Variants in SYNE2 observed in about 807,000 individuals in gnomAD.
SYNE2 encodes spectrin repeat containing nuclear envelope protein 2.
In SYNE2, 431 loss-of-function variants were observed where a neutral mutation model predicts 856.3. That is an observed-to-expected ratio of 0.50 (90% CI 0.47 to 0.55). The LOEUF (loss-of-function observed/expected upper bound fraction) is 0.55, where lower values mean the gene tolerates loss of function less well. SYNE2 is among the 20% of genes least tolerant of loss of function. The probability of loss-of-function intolerance (pLI) is 0.00; values close to 1 mark genes in which losing one functional copy is unlikely to be tolerated. For missense variants in SYNE2, 8,129 were observed against 8,023.2 expected (o/e 1.01, Z -0.50); for synonymous variants, 2,923 against 2,872.3 (o/e 1.02, Z -0.56).
chr14:64,162,023 C>A, intron 87 of SYNE2, 49 bp from the exon 88 acceptor site: 2 of 1,597,706 alleles, frequency 1.3e-6, no homozygotes, highest in Non-Finnish European at 1.7e-6. Flanking sequence ...ACTTTCGCTA[C>A]AAGAGAAAGG....
intron 77 of SYNE2, 41 bp from the exon 78 acceptor site, chr14:64,134,028 G>A: frequency 6.2e-7 from 1 of 1,611,258 alleles, no homozygotes; most frequent in Non-Finnish European, 8.5e-7. Context: ...GAACCAATCT[G>A]GTAAAGGGCT....
chr14:64,215,828 G>A, intron 107 of SYNE2: 1 of 668,542 alleles, frequency 1.5e-6, no homozygotes, highest in South Asian at 2.1e-5. Context: ...CTCATCCTTA[G>A]CCCCATCCCT....
At chr14:63,852,215 G>A (rs1396601846), upstream of SYNE2, among the ~76,000 whole-genome samples, 1 of 152,072 alleles carries the variant, frequency 6.6e-6, no homozygotes, top group African/African-American at 2.4e-5. Context: ...AGTGAGGTGC[G>A]CCTTTTATTT....
intron 96 of SYNE2, among the ~76,000 whole-genome samples, chr14:64,186,073 T>A (rs2098488412): frequency 6.6e-6 from 1 of 152,158 alleles, no homozygotes; most frequent in Admixed American, 6.5e-5. Flanking sequence ...GGATTAAAAA[T>A]TGTATGTGTG....
rs765876691 is a variant in SYNE2 at position 63,995,107 on chromosome 14, C to T, written c.2845C>T (p.Leu949Phe). ...QLKIDIEKGK[L>F]SDNILKLEKQ... ...AAAAATAGATATTGAAAAAGGAAAG[C>T]TTAGTGACAATATTTTAAAACTTGA... The change falls in exon 23 of 116, where the codon CTT becomes TTT. Residue 949 changes from leucine to phenylalanine, a missense_variant. Leu to Phe is a conservative substitution (Grantham distance 22). Transcript: ENST00000555002. The T allele has an allele frequency of 7.5e-6, 12 of 1,591,458 alleles. No homozygotes were observed. In the South Asian group the frequency reaches 1.2e-4, roughly 16 times the overall value.
At chr14:63,778,481 A>G (rs1233291836) in intron 1 of SYNE2, among the ~76,000 whole-genome samples, 4 of 152,144 alleles carry the variant, frequency 2.6e-5, no homozygotes, top group Non-Finnish European at 5.9e-5. Flanking sequence ...ATCAATATAT[A>G]CAACTTTTAA....
intron 2 of SYNE2, among the ~76,000 whole-genome samples, chr14:63,933,991 T>C (rs903569029): frequency 2.0e-5 from 3 of 152,112 alleles, no homozygotes; most frequent in Non-Finnish European, 4.4e-5. Flanking sequence ...GAAAAGTGTG[T>C]CAGGGGATAA....
chr14:64,202,610 C>T (rs2098578951), intron 99 of SYNE2, among the ~76,000 whole-genome samples, 191 bp from the exon 100 acceptor site: 1 of 152,180 alleles, frequency 6.6e-6, no homozygotes, highest in South Asian at 2.1e-4. Context: ...CCTTGCAAAG[C>T]TTCACATATT....
intron 1 of SYNE2, among the ~76,000 whole-genome samples, chr14:63,762,595 C>CTTT (rs869117825): frequency 2.4e-4 from 5 of 20,428 alleles, no homozygotes; most frequent in Non-Finnish European, 8.3e-4. Flanking sequence ...TTTTTTCTTT[C>CTTT]TTTTTTTTTT....
intron 53 of SYNE2, chr14:64,075,717 G>C (rs1398371611): frequency 4.0e-6 from 2 of 503,888 alleles, no homozygotes; most frequent in Non-Finnish European, 3.6e-6. Flanking sequence ...CTAGATAATG[G>C]TGTGACACTA....
chr14:64,060,066 C>T (rs1002428965), intron 49 of SYNE2, among the ~76,000 whole-genome samples: 1 of 152,298 alleles, frequency 6.6e-6, no homozygotes, highest in Non-Finnish European at 1.5e-5. Flanking sequence ...GCTCGCTCCT[C>T]TGGCCCAGGG....
intron 2 of SYNE2, among the ~76,000 whole-genome samples, chr14:63,923,826 T>C (rs1049374562): frequency 1.3e-5 from 2 of 151,756 alleles, no homozygotes; most frequent in Non-Finnish European, 2.9e-5. Context: ...TTTGAGACAG[T>C]GTCTCACTGT....
intron 2 of SYNE2, among the ~76,000 whole-genome samples, chr14:63,914,272 G>A (rs2095509661): frequency 6.6e-6 from 1 of 152,194 alleles, no homozygotes; most frequent in East Asian, 1.9e-4. Flanking sequence ...AGTATCACAG[G>A]ACTTTAAAGT....
intron 85 of SYNE2, among the ~76,000 whole-genome samples, chr14:64,156,585 A>G (rs2098287909): frequency 6.6e-6 from 1 of 151,516 alleles, no homozygotes; most frequent in Admixed American, 6.6e-5. Context: ...CAGCCTCCCT[A>G]GTAGCTGGGA....
chr14:64,075,868 G>A (rs1162783394), intron 53 of SYNE2, 77 bp from the exon 54 acceptor site: 2 of 1,513,330 alleles, frequency 1.3e-6, no homozygotes, highest in Admixed American at 1.7e-5. Context: ...AGGATGTGCT[G>A]GAAGGCTGCT....
intron 42 of SYNE2, 82 bp from the exon 43 acceptor site, chr14:64,027,402 G>A: frequency 4.8e-6 from 4 of 833,174 alleles, no homozygotes; most frequent in Non-Finnish European, 3.8e-6. Context: ...ATGTTTATTA[G>A]GATGTGTGTT....
In SYNE2 at chr14:64,113,968, G is replaced by A. The variant is rs1194631893; in HGVS notation, c.12840+397G>A. Among the ~76,000 whole-genome samples the A allele has an allele frequency of 2.0e-5, 3 of 152,120 alleles. No individual in the cohort carries two copies. In the South Asian group the frequency reaches 6.2e-4, roughly 32 times the overall value. The stretch of plus-strand genomic sequence containing the variant: ...TCATAGGATATAAAGTTATCTCATA[G>A]GATTTTTGTCAGGATTAAATAGGTA... On this transcript the variant is annotated intron_variant, in intron 66 of 115. Transcript: ENST00000555002.
rs534083134 is a variant in SYNE2, at chr14:63,811,202, C to T, written c.-304-41299C>T. ...ATGAGTTTAATAAGAATCTGTTCTC[C>T]TCGTAACAAGACAAAATTGGAAACA... On this transcript the variant is annotated intron_variant, in intron 1 of 23. Coordinates refer to the SYNE2 transcript ENST00000674003. 2.7e-4 allele frequency among the ~76,000 whole-genome samples: 41 copies of T among 152,116 alleles called. No homozygotes were observed. The South Asian group carries it at 7.5e-3, about 28-fold the overall frequency.
chr14:64,015,029 ATATATATG>A (rs199912612), intron 32 of SYNE2, among the ~76,000 whole-genome samples: 2,754 of 144,638 alleles, frequency 0.019, 97 homozygotes, highest in African/African-American at 0.065. Flanking sequence ...ATGTATATAA[ATATATATG>A]TATATATGTA....
Sources: gnomAD v4.1 joint callset for allele counts (sites outside exome capture counted in the v4.1 genomes callset) on GRCh38, gnomAD v4.1.1 for gene constraint, MANE v1.5 for transcripts, NCBI Gene and HGNC (gene_info 2026-07-23, HGNC 2026-07-21) for gene names.